DPP6: variants seen among roughly 807,000 people sequenced by gnomAD.
DPP6 encodes the protein A-type potassium channel modulatory protein DPP6.
DPP6 carries 69 observed loss-of-function variants against 122.6 expected under a neutral mutation model. The ratio of observed to expected loss-of-function variants is 0.56; its 90% CI spans 0.46 to 0.69. The LOEUF (loss-of-function observed/expected upper bound fraction) is 0.69, where lower values mean the gene tolerates loss of function less well. Ranked by LOEUF, DPP6 falls within the 30% of genes least tolerant of loss-of-function variation. The pLI is 0.00. For missense variants in DPP6, 928 were observed against 1,116.9 expected, an observed-to-expected ratio of 0.83 and a Z score of 2.41; for synonymous variants, 418 against 433.1, an observed-to-expected ratio of 0.97 and a Z score of 0.43.
chr7:154,683,809 A>G (rs1839431226), intron 7 of DPP6, among the ~76,000 whole-genome samples: 1 of 152,094 alleles, frequency 6.6e-6, no homozygotes, highest in Admixed American at 6.6e-5. Context: ...AATGTCCCAG[A>G]CCACCTCTCA....
chr7:154,454,979 C>T (rs987332889), intron 2 of DPP6, among the ~76,000 whole-genome samples: 2 of 152,012 alleles, frequency 1.3e-5, no homozygotes, highest in South Asian at 2.1e-4. Context: ...TGCAGGTGTC[C>T]GTATTGTTTC....
intron 1 of DPP6, among the ~76,000 whole-genome samples, chr7:154,070,567 T>C (rs1358167707): frequency 1.3e-5 from 2 of 152,202 alleles, no homozygotes; most frequent in Non-Finnish European, 2.9e-5. Flanking sequence ...CTATATTTGC[T>C]TCTCTAAGAT....
chr7:154,324,572 A>G (rs1398732140), intron 1 of DPP6, among the ~76,000 whole-genome samples: 1 of 151,652 alleles, frequency 6.6e-6, no homozygotes, highest in Non-Finnish European at 1.5e-5. Flanking sequence ...ACTTGATTGC[A>G]CTCACCTTTT....
At chr7:153,961,407 C>T (rs1387032596) in intron 1 of DPP6, among the ~76,000 whole-genome samples, 1 of 151,142 alleles carries the variant, frequency 6.6e-6, no homozygotes, top group Admixed American at 6.6e-5. Flanking sequence ...AGGCACAGAT[C>T]GTGTGATTCT....
At chr7:154,715,185 G>C (rs1039540527) in intron 7 of DPP6, among the ~76,000 whole-genome samples, 3 of 152,032 alleles carry the variant, frequency 2.0e-5, no homozygotes, top group Non-Finnish European at 4.4e-5. Flanking sequence ...TCCTGCCTTA[G>C]CCTCCCAAGT....
the DPP6 span, among the ~76,000 whole-genome samples, chr7:153,824,017 C>T: frequency 2.6e-5 from 4 of 152,154 alleles, no homozygotes; most frequent in Middle Eastern, 3.2e-3. Flanking sequence ...GAGAAACTCA[C>T]GTGTCCACAG....
intron 6 of DPP6, among the ~76,000 whole-genome samples, chr7:154,665,515 G>C (rs1292825885): frequency 1.3e-5 from 2 of 151,708 alleles, no homozygotes; most frequent in Admixed American, 1.3e-4. Context: ...TTGCTTTCTG[G>C]TTTCCTAAAA....
intron 6 of DPP6, among the ~76,000 whole-genome samples, chr7:154,663,236 T>A: frequency 1.5e-5 from 1 of 67,878 alleles, no homozygotes; most frequent in East Asian, 5.5e-4. Context: ...CATATAGTCA[T>A]GGTGAATCAC....
At chr7:154,396,750 C>A (rs1024172471) in intron 1 of DPP6, among the ~76,000 whole-genome samples, 2 of 152,178 alleles carry the variant, frequency 1.3e-5, no homozygotes, top group African/African-American at 4.8e-5. Context: ...TCAAGACTAG[C>A]CTGGCCAACA....
chr7:153,858,567 C>A, the DPP6 span, among the ~76,000 whole-genome samples: 1 of 152,116 alleles, frequency 6.6e-6, no homozygotes, highest in Non-Finnish European at 1.5e-5. Context: ...TGCTTGTGTA[C>A]CTCATGTGCT....
chr7:154,855,893 T>C (rs1033595621), intron 17 of DPP6, among the ~76,000 whole-genome samples: 1 of 152,234 alleles, frequency 6.6e-6, no homozygotes, highest in African/African-American at 2.4e-5. Context: ...CATGGACACC[T>C]TTCTGGTATT....
At chr7:154,335,925 A>C (rs2151048821) in intron 1 of DPP6, among the ~76,000 whole-genome samples, 1 of 152,214 alleles carries the variant, frequency 6.6e-6, no homozygotes, top group East Asian at 1.9e-4. Flanking sequence ...ATTGCATTCT[A>C]GGGGTTGCAA....
intron 1 of DPP6, among the ~76,000 whole-genome samples, chr7:154,111,552 T>G (rs1806576521): frequency 6.6e-6 from 1 of 152,102 alleles, no homozygotes; most frequent in Non-Finnish European, 1.5e-5. Flanking sequence ...TGGAAAATAT[T>G]TATTTTAGTT....
intron 5 of DPP6, among the ~76,000 whole-genome samples, chr7:154,621,620 G>A (rs1362274510): frequency 6.6e-6 from 1 of 152,158 alleles, no homozygotes; most frequent in East Asian, 1.9e-4. Flanking sequence ...GCCCACCTTG[G>A]CCTCCCAAAG....
chr7:154,213,236 A>C (rs1475670456), intron 1 of DPP6, among the ~76,000 whole-genome samples: 1 of 152,230 alleles, frequency 6.6e-6, no homozygotes, highest in African/African-American at 2.4e-5. Context: ...CAGGGCTGAC[A>C]CAGGGCCAGG....
At chr7:154,867,687 G>A (rs959246806) in intron 17 of DPP6, among the ~76,000 whole-genome samples, 2 of 152,210 alleles carry the variant, frequency 1.3e-5, no homozygotes, top group African/African-American at 4.8e-5. Flanking sequence ...GTCATGGGAA[G>A]AATCATACCA....
chr7:153,819,682 C>G, the DPP6 span, among the ~76,000 whole-genome samples: 8 of 152,056 alleles, frequency 5.3e-5, no homozygotes, highest in Non-Finnish European at 2.9e-5. Context: ...TTAATTATTT[C>G]ATTTATAAGG....
chr7:154,785,045 G>A (rs28566898), intron 10 of DPP6, among the ~76,000 whole-genome samples: 23,128 of 152,114 alleles, frequency 0.15, 1,802 homozygotes, highest in Middle Eastern at 0.2. Context: ...CATCTCCACC[G>A]TGTACCAGTG....
In DPP6 at chr7:154,179,214, T is replaced by C. The variant is rs114644176; in HGVS notation, c.243+126151T>C. On this transcript the variant is annotated intron_variant, in intron 1 of 25. Coordinates refer to ENST00000377770, the MANE Select transcript of DPP6 (RefSeq NM_130797.4). Reference sequence around the variant, plus strand: ...GAGTGTGCTGCCAGCCTATTAGAACTCAGCATTGCATTCAAATTCTAGTTG... The same window carrying C: ...GAGTGTGCTGCCAGCCTATTAGAACCCAGCATTGCATTCAAATTCTAGTTG... Among the ~76,000 whole-genome samples the C allele has an allele frequency of 7.2e-3, 1,095 of 152,230 alleles. 11 individuals are homozygous for C. Among genetic ancestry groups the C allele is most frequent in the African/African-American group, 0.025 (1,038 of 41,526 alleles).
Sources: allele counts gnomAD v4.1 joint callset (sites outside exome capture counted in the v4.1 genomes callset), GRCh38; gene constraint gnomAD v4.1.1; transcripts MANE v1.5; gene names NCBI Gene and HGNC (gene_info 2026-07-23, HGNC 2026-07-21).